SBF1: variants seen among roughly 807,000 people sequenced by gnomAD.
SBF1 encodes myotubularin-related protein 5.
A neutral mutation model predicts 215.8 loss-of-function variants in SBF1; 65 were observed. That is an observed-to-expected ratio of 0.30 (90% CI 0.25 to 0.37). SBF1 has a LOEUF of 0.37. SBF1 is among the 10% of genes least tolerant of loss of function. The pLI is 1.00. For missense variants in SBF1, 2,634 were observed against 2,667.8 expected (o/e 0.99, Z 0.28); for synonymous variants, 1,410 against 1,122.8 (o/e 1.26, Z -5.11).
chr22:50,457,607 G>A (rs1230200843), intron 28 of SBF1, among the ~76,000 whole-genome samples: 1 of 152,220 alleles, frequency 6.6e-6, no homozygotes, highest in Non-Finnish European at 1.5e-5. Context: ...GGAGAGGGTG[G>A]GCTCAGAGCC....
chr22:50,462,240 G>A lies in SBF1; in HGVS notation c.2361C>T (p.Asp787=), dbSNP rs762142283. Reference sequence around the variant, plus strand: ...CCAGGCTGTTGCTGGCGCTCTCCAGGTCGCCCAGCCCGGCACGCTCCCGAA... The same window carrying A: ...CCAGGCTGTTGCTGGCGCTCTCCAGATCGCCCAGCCCGGCACGCTCCCGAA... ...RLLRERAGLG[D]LESASNSLVT... is the part of the protein sequence containing the mutation. The change falls in exon 19 of 41, where the codon GAC becomes GAT. Residue 787 remains aspartate (D), a synonymous_variant. Coordinates refer to ENST00000380817, the MANE Select transcript of SBF1 (RefSeq NM_002972.4). The A allele has an allele frequency of 1.2e-6, 2 of 1,608,628 alleles. No homozygotes were observed. The highest frequency in any genetic ancestry group is 1.3e-5 in the African/African-American group (1 of 74,928).
In SBF1 at chr22:50,445,709, C is replaced by T. The variant is rs1397667377; in HGVS notation, c.*1433G>A. ...GCTGGTTTCAGTGGCTCAAGTGAGC[C>T]CACCCTCACATCTCGCCCAGGTGTC... On this transcript the variant is annotated 3_prime_UTR_variant, in exon 41 of 41. Coordinates refer to ENST00000380817, the MANE Select transcript of SBF1 (RefSeq NM_002972.4). 1 of 152,248 alleles carries T rather than the reference C, an allele frequency of 6.6e-6. No homozygotes were observed. The highest frequency in any genetic ancestry group is 1.9e-4 in the East Asian group (1 of 5,190). The allele number at this position is 152,248 out of a possible 1,614,324, so 9.4% of individuals were successfully genotyped here. A position where few individuals can be genotyped will look rare whatever the true frequency, so the allele number is the denominator to read the frequency against.
intron 2 of SBF1, 54 bp downstream of exon 2, chr22:50,468,322 T>G: frequency 5.3e-6 from 8 of 1,510,508 alleles, no homozygotes; most frequent in Non-Finnish European, 6.4e-6. Flanking sequence ...GGCAGGGCTG[T>G]GCCCACCTGC....
In SBF1 at chr22:50,455,566, T is replaced by G; in HGVS notation, c.4283A>C (p.Gln1428Pro). The change falls in exon 32 of 41, where the codon CAG (glutamine) becomes CCG (proline). Residue 1428 changes from glutamine to proline, a missense_variant. Physicochemically the swap from Gln to Pro is moderately conservative, Grantham distance 76. Coordinates refer to ENST00000380817, the MANE Select transcript of SBF1 (RefSeq NM_002972.4). ...EWLIQIHKLL[Q>P]VSVLVVELLD... Reference sequence around the variant, plus strand: ...GAGCTCCACCACCAGCACAGACACCTGCAGCAGCTTGTGGATCTGCAGGGA... The same window carrying G: ...GAGCTCCACCACCAGCACAGACACCGGCAGCAGCTTGTGGATCTGCAGGGA... 1 of 1,582,050 alleles carries G rather than the reference T, an allele frequency of 6.3e-7. No homozygotes were observed. Among genetic ancestry groups the G allele is most frequent in the Non-Finnish European group, 8.6e-7 (1 of 1,164,104 alleles).
intron 16 of SBF1, 41 bp downstream of exon 16, chr22:50,463,242 T>C (rs374886393): frequency 5.6e-6 from 9 of 1,610,304 alleles, no homozygotes; most frequent in Non-Finnish European, 5.1e-6. Context: ...TTCCCGCTCA[T>C]GCGCCATGAG....
Position 50,455,550 on chromosome 22 carries a change from C to T in SBF1, c.4299G>A (p.Val1433=). 1 of 1,592,950 alleles carries T rather than the reference C, an allele frequency of 6.3e-7. No homozygotes were observed. The highest frequency in any genetic ancestry group is 8.5e-7 in the Non-Finnish European group (1 of 1,169,982). Residue 1433 remains valine, a synonymous_variant, in exon 32 of 41, where the codon GTG becomes GTA. Coordinates refer to ENST00000380817, the MANE Select transcript of SBF1 (RefSeq NM_002972.4). Reference sequence around the variant, plus strand: ...AGGAGCCTGAATCCAGGAGCTCCACCACCAGCACAGACACCTGCAGCAGCT... The same window carrying T: ...AGGAGCCTGAATCCAGGAGCTCCACTACCAGCACAGACACCTGCAGCAGCT... ...IHKLLQVSVL[V]VELLDSGSSV...
At chr22:50,462,753 G>T in intron 17 of SBF1, 36 bp from the exon 18 acceptor site, 2 of 1,609,184 alleles carry the variant, frequency 1.2e-6, no homozygotes, top group Non-Finnish European at 1.7e-6. Context: ...GCTGGATGCA[G>T]CCAGGAAGGG....
At chr22:50,454,262 G>C (rs2148567498) in intron 36 of SBF1, among the ~76,000 whole-genome samples, 1 of 152,324 alleles carries the variant, frequency 6.6e-6, no homozygotes, top group East Asian at 1.9e-4. Context: ...ACTGAGACCT[G>C]AGGGTCTCTG....
In SBF1 at chr22:50,467,630, T is replaced by C; in HGVS notation, c.340A>G (p.Thr114Ala). The C allele has an allele frequency of 6.2e-7, 1 of 1,613,816 alleles. No homozygotes were observed. Among genetic ancestry groups the C allele is most frequent in the South Asian group, 1.1e-5 (1 of 91,054 alleles). Reference protein sequence around the residue: ...REEEGDEGGQTHLSPTAPAPS... With the variant: ...REEEGDEGGQAHLSPTAPAPS... ...GCAGGTGCTGTGGGAGACAGGTGGG[T>C]CTGGCCTCCCTCATCCCCCTCTTCC... The change falls in exon 4 of 41, where the codon ACC becomes GCC. Residue 114 changes from threonine (T) to alanine (A), a missense_variant. Coordinates refer to ENST00000380817, the MANE Select transcript of SBF1 (RefSeq NM_002972.4).
intron 28 of SBF1, among the ~76,000 whole-genome samples, chr22:50,458,028 A>G (rs1244687790): frequency 2.0e-5 from 3 of 152,202 alleles, no homozygotes; most frequent in African/African-American, 7.2e-5. Flanking sequence ...GGCCAGGCGC[A>G]GTGGCTCACG....
Position 50,456,056 on chromosome 22 carries a change from C to T in SBF1, c.4266+160G>A, listed in dbSNP as rs2067233807. ...GCCCCAGCCAGGCCCAGCCTCCCAGCTGCCTTCTAGGCACCAGAGCCTGGG... is the reference window on the plus strand; with the variant it reads ...GCCCCAGCCAGGCCCAGCCTCCCAGTTGCCTTCTAGGCACCAGAGCCTGGG... On this transcript the variant is annotated intron_variant, in intron 31 of 40. Transcript: ENST00000380817. 5 of 766,504 alleles carry T rather than the reference C, an allele frequency of 6.5e-6. No individual in the cohort carries two copies. In the South Asian group the frequency reaches 7.6e-5, roughly 12 times the overall value. The allele number at this position is 766,504 out of a possible 1,614,324, so 47.5% of individuals were successfully genotyped here.
At chr22:50,471,352 C>A (rs1003197821) in intron 1 of SBF1, among the ~76,000 whole-genome samples, 1 of 152,216 alleles carries the variant, frequency 6.6e-6, no homozygotes, top group African/African-American at 2.4e-5. Flanking sequence ...GGCAGGCGAA[C>A]ACAGACCTCG....
chr22:50,469,379 C>T (rs1376040712), intron 1 of SBF1, among the ~76,000 whole-genome samples: 2 of 152,212 alleles, frequency 1.3e-5, no homozygotes, highest in Non-Finnish European at 2.9e-5. Flanking sequence ...TCCGTGGGGC[C>T]CCAGAACTAC....
intron 15 of SBF1, among the ~76,000 whole-genome samples, chr22:50,464,128 C>T (rs985071711): frequency 5.9e-5 from 9 of 152,226 alleles, no homozygotes; most frequent in African/African-American, 1.7e-4. Flanking sequence ...GGGTCTCCCG[C>T]GCAGGCCCGA....
chr22:50,472,066 G>A (rs550000414), intron 1 of SBF1, among the ~76,000 whole-genome samples: 52 of 152,282 alleles, frequency 3.4e-4, no homozygotes, highest in African/African-American at 1.2e-3. Context: ...GCCAAGAGCC[G>A]GGCAGAGGCA....
intron 26 of SBF1, 76 bp from the exon 27 acceptor site, chr22:50,459,742 G>A: frequency 7.5e-6 from 11 of 1,459,604 alleles, no homozygotes; most frequent in Non-Finnish European, 1.0e-5. Flanking sequence ...CAGGGCAAGA[G>A]GAGCCAGCCC....
intron 36 of SBF1, 88 bp downstream of exon 36, chr22:50,454,424 T>C: frequency 1.7e-6 from 2 of 1,166,572 alleles, no homozygotes; most frequent in Non-Finnish European, 1.3e-6. Flanking sequence ...TACGTGCATG[T>C]ACGAGTGTAC....
chr22:50,463,751 G>A (rs1050541657), intron 15 of SBF1, among the ~76,000 whole-genome samples: 3 of 152,216 alleles, frequency 2.0e-5, no homozygotes, highest in Admixed American at 1.3e-4. Flanking sequence ...TCAGTGACTC[G>A]CCTGGCACAG....
At chr22:50,472,578 C>T (rs116279823) in intron 1 of SBF1, among the ~76,000 whole-genome samples, 6 of 152,318 alleles carry the variant, frequency 3.9e-5, no homozygotes, top group East Asian at 3.9e-4. Context: ...CCTGTGCATT[C>T]GCTGCATCCT....
Sources: gnomAD v4.1 joint callset for allele counts (sites outside exome capture counted in the v4.1 genomes callset) on GRCh38, gnomAD v4.1.1 for gene constraint, MANE v1.5 for transcripts, NCBI Gene and HGNC (gene_info 2026-07-23, HGNC 2026-07-21) for gene names.